SLC24A2: variants seen among roughly 807,000 people sequenced by gnomAD.
The protein encoded by SLC24A2 is sodium/potassium/calcium exchanger 2.
SLC24A2 carries 36 observed loss-of-function variants against 62.0 expected under a neutral mutation model. That is an observed-to-expected ratio of 0.58 (90% CI 0.44 to 0.77). The LOEUF is 0.77. Ranked by LOEUF, SLC24A2 falls within the 30% of genes least tolerant of loss-of-function variation. The pLI, the probability that SLC24A2 is intolerant of heterozygous loss-of-function variation, is 0.00. For synonymous variants in SLC24A2, 358 were observed against 294.0 expected (o/e 1.22, Z -2.23); for missense variants, 846 against 817.9 (o/e 1.03, Z -0.42).
chr9:19,680,622 T>TATATATC, intron 2 of SLC24A2, among the ~76,000 whole-genome samples: 1 of 85,920 alleles, frequency 1.2e-5, no homozygotes, highest in Admixed American at 1.3e-4. Context: ...ATATATATAT[T>TATATATC]CATAGCTAAC....
upstream of SLC24A2, among the ~76,000 whole-genome samples, chr9:19,789,629 G>T (rs533220788): frequency 8.6e-4 from 131 of 152,320 alleles, no homozygotes; most frequent in African/African-American, 3.0e-3. Flanking sequence ...GCCTCGGGAT[G>T]TCCAGCCCAG....
At chr9:20,061,644 T>C in the SLC24A2 span, among the ~76,000 whole-genome samples, 2 of 152,152 alleles carry the variant, frequency 1.3e-5, no homozygotes, top group Non-Finnish European at 2.9e-5. Context: ...GGATAGTCTT[T>C]TCAATAGATG....
chr9:20,291,202 G>A, the SLC24A2 span, among the ~76,000 whole-genome samples: 1 of 152,286 alleles, frequency 6.6e-6, no homozygotes, highest in Non-Finnish European at 1.5e-5. Flanking sequence ...CTAGCAATAT[G>A]GACGTGGAAA....
At chr9:19,531,537 T>A (rs1833707039) in intron 8 of SLC24A2, among the ~76,000 whole-genome samples, 1 of 152,108 alleles carries the variant, frequency 6.6e-6, no homozygotes, top group Admixed American at 6.5e-5. Flanking sequence ...GATTAGAAGC[T>A]TTTGGTACAT....
At chr9:20,008,560 T>A in the SLC24A2 span, among the ~76,000 whole-genome samples, 1 of 152,260 alleles carries the variant, frequency 6.6e-6, no homozygotes, top group East Asian at 1.9e-4. Flanking sequence ...GGCAGCTCCA[T>A]GACTTCTGCT....
At chr9:19,956,812 T>A in the SLC24A2 span, among the ~76,000 whole-genome samples, 1 of 152,090 alleles carries the variant, frequency 6.6e-6, no homozygotes, top group Non-Finnish European at 1.5e-5. Flanking sequence ...CCAAACCATA[T>A]CAGTCATGAA....
chr9:19,703,846 T>C (rs1190195756), intron 2 of SLC24A2, among the ~76,000 whole-genome samples: 3 of 152,340 alleles, frequency 2.0e-5, no homozygotes, highest in African/African-American at 7.2e-5. Flanking sequence ...TAAGAATGAA[T>C]CACTATTTTG....
the SLC24A2 span, among the ~76,000 whole-genome samples, chr9:19,978,180 ATTTACAAAGCTGG>A: frequency 6.6e-6 from 1 of 152,182 alleles, no homozygotes; most frequent in African/African-American, 2.4e-5. Context: ...CAAAATAGCC[ATTTACAAAGCTGG>A]TTTACAACCA....
intron 5 of SLC24A2, among the ~76,000 whole-genome samples, chr9:19,591,618 T>A (rs1836554785): frequency 6.6e-6 from 1 of 152,156 alleles, no homozygotes; most frequent in Non-Finnish European, 1.5e-5. Flanking sequence ...CTTCCAAGAA[T>A]ACAGACGTGA....
chr9:20,197,457 G>T, the SLC24A2 span, among the ~76,000 whole-genome samples: 2 of 126,828 alleles, frequency 1.6e-5, no homozygotes, highest in Admixed American at 8.7e-5. Flanking sequence ...TTTGAGACTG[G>T]GTCTCACTCT....
At chr9:19,949,176 T>G in the SLC24A2 span, among the ~76,000 whole-genome samples, 5 of 152,002 alleles carry the variant, frequency 3.3e-5, no homozygotes, top group East Asian at 1.9e-4. Context: ...ATATTTTTAG[T>G]AGAGACGCGG....
At chr9:20,240,948 T>C in the SLC24A2 span, among the ~76,000 whole-genome samples, 2 of 152,344 alleles carry the variant, frequency 1.3e-5, no homozygotes, top group South Asian at 2.1e-4. Flanking sequence ...CGCAGATGAA[T>C]TGAGGCACAG....
the SLC24A2 span, among the ~76,000 whole-genome samples, chr9:19,962,455 A>C: frequency 1.3e-5 from 2 of 152,292 alleles, no homozygotes; most frequent in South Asian, 4.1e-4. Context: ...ACCTTGGGCA[A>C]TATGGCCATT....
At chr9:19,685,240 A>G (rs904988044) in intron 2 of SLC24A2, among the ~76,000 whole-genome samples, 17 of 152,160 alleles carry the variant, frequency 1.1e-4, no homozygotes, top group Non-Finnish European at 1.8e-4. Context: ...ATTACAAAAC[A>G]TTGCTCAAAG....
chr9:20,206,430 G>T, the SLC24A2 span, among the ~76,000 whole-genome samples: 3 of 151,662 alleles, frequency 2.0e-5, no homozygotes, highest in Non-Finnish European at 4.4e-5. Context: ...GAAAAATAAC[G>T]GTAAGATGCA....
At chr9:20,128,904 G>C in the SLC24A2 span, among the ~76,000 whole-genome samples, 1 of 152,066 alleles carries the variant, frequency 6.6e-6, no homozygotes, top group Admixed American at 6.6e-5. Flanking sequence ...TACATATGAT[G>C]CCAAGAGCAT....
the SLC24A2 span, among the ~76,000 whole-genome samples, chr9:20,146,664 G>T: frequency 2.0e-5 from 3 of 151,982 alleles, no homozygotes; most frequent in Non-Finnish European, 4.4e-5. Flanking sequence ...CTACAGGATA[G>T]CCACCCTGTG....
chr9:19,965,129 A>G, the SLC24A2 span, among the ~76,000 whole-genome samples: 1 of 152,264 alleles, frequency 6.6e-6, no homozygotes, highest in East Asian at 1.9e-4. Context: ...AGGGAATAAC[A>G]GGAACACAGG....
At chr9:19,645,820 C>G (rs1406967356) in intron 2 of SLC24A2, among the ~76,000 whole-genome samples, 1 of 152,198 alleles carries the variant, frequency 6.6e-6, no homozygotes, top group Non-Finnish European at 1.5e-5. Flanking sequence ...CAAACAATTT[C>G]TAAAGCAGTT....
Sources: allele counts gnomAD v4.1 joint callset (sites outside exome capture counted in the v4.1 genomes callset), GRCh38; gene constraint gnomAD v4.1.1; transcripts MANE v1.5; gene names NCBI Gene and HGNC (gene_info 2026-07-23, HGNC 2026-07-21).